The following ITPR1 variants were observed in gnomAD, a reference collection of about 807,000 sequenced individuals.
ITPR1 encodes inositol 1,4,5-trisphosphate receptor type 1.
ITPR1 carries 96 observed loss-of-function variants against 318.4 expected under a neutral mutation model. The observed-to-expected ratio is 0.30, with a 90% confidence interval of 0.26 to 0.36. ITPR1 has a LOEUF of 0.36. Ranked by LOEUF, ITPR1 falls within the 10% of genes least tolerant of loss-of-function variation. The probability of loss-of-function intolerance (pLI) is 1.00; values close to 1 mark genes in which losing one functional copy is unlikely to be tolerated. For synonymous variants in ITPR1, 1,312 were observed against 1,289.9 expected, an observed-to-expected ratio of 1.02 and a Z score of -0.37; for missense variants, 2,440 against 3,460.2, an observed-to-expected ratio of 0.71 and a Z score of 7.40.
chr3:4,806,371 C>T, intron 55 of ITPR1, 104 bp downstream of exon 55: 1 of 1,122,180 alleles, frequency 8.9e-7, no homozygotes, highest in Non-Finnish European at 1.3e-6. Context: ...GATTGGTGTG[C>T]CTGGTCCACC....
At chr3:4,500,341 G>A (rs548525614) in intron 2 of ITPR1, among the ~76,000 whole-genome samples, 1 of 150,174 alleles carries the variant, frequency 6.7e-6, no homozygotes, top group Non-Finnish European at 1.5e-5. Flanking sequence ...CTGGGACTAT[G>A]GGCATTCACC....
At chr3:4,817,823 G>A (rs929953775) in intron 59 of ITPR1, among the ~76,000 whole-genome samples, 2 of 152,178 alleles carry the variant, frequency 1.3e-5, no homozygotes, top group African/African-American at 4.8e-5. Context: ...CACTAACAAG[G>A]CCACTAAGGC....
chr3:4,776,850 C>G (rs1189165224), intron 47 of ITPR1, among the ~76,000 whole-genome samples: 1 of 152,154 alleles, frequency 6.6e-6, no homozygotes, highest in Non-Finnish European at 1.5e-5. Context: ...AAACAGGAAA[C>G]TTGCTTTCCA....
chr3:4,516,015 C>A (rs1455030334), intron 2 of ITPR1, among the ~76,000 whole-genome samples: 1 of 152,246 alleles, frequency 6.6e-6, no homozygotes, highest in African/African-American at 2.4e-5. Context: ...AGCCCAGGCA[C>A]TGTGGCCTTG....
intron 24 of ITPR1, among the ~76,000 whole-genome samples, chr3:4,678,018 T>A (rs1345423642): frequency 6.6e-6 from 1 of 152,208 alleles, no homozygotes; most frequent in African/African-American, 2.4e-5. Context: ...GAAAGAATTA[T>A]GTGTTAGCAC....
Position 4,775,268 on chromosome 3 carries a change from G to A in ITPR1, c.6006G>A (p.Lys2002=). The A allele has an allele frequency of 6.2e-7, 1 of 1,614,012 alleles. No individual in the cohort carries two copies. Among genetic ancestry groups the A allele is most frequent in the Non-Finnish European group, 8.5e-7 (1 of 1,179,902 alleles). Residue 2002 remains lysine (K), a synonymous_variant, in exon 47 of 62, where the codon AAG becomes AAA. Coordinates refer to ENST00000649015, the MANE Select transcript of ITPR1 (RefSeq NM_001378452.1). ...ACTTCCTCCGTTGCCAAAATAACAA[G>A]ACCAACTACAATTTGGTATGTGAGA... ...LQNFLRCQNN[K]TNYNLVCETL... is the part of the protein sequence containing the mutation.
chr3:4,644,506 A>G (rs2093410474), intron 8 of ITPR1, among the ~76,000 whole-genome samples: 1 of 152,262 alleles, frequency 6.6e-6, no homozygotes, highest in Admixed American at 6.5e-5. Flanking sequence ...TGGTGAAGCC[A>G]GAGATGAACC....
intron 7 of ITPR1, among the ~76,000 whole-genome samples, chr3:4,643,335 A>G (rs2093380172): frequency 1.3e-5 from 2 of 152,246 alleles, no homozygotes; most frequent in Admixed American, 6.5e-5. Flanking sequence ...ACCAAAAATA[A>G]AAGACAAGTG....
chr3:4,814,353 A>G, intron 57 of ITPR1, 70 bp from the exon 58 acceptor site: 2 of 1,509,622 alleles, frequency 1.3e-6, no homozygotes, highest in Non-Finnish European at 1.8e-6. Flanking sequence ...TTCAGGAAAC[A>G]GGATTTCAAA....
intron 21 of ITPR1, among the ~76,000 whole-genome samples, chr3:4,673,900 T>A (rs1374659294): frequency 6.6e-6 from 1 of 152,156 alleles, no homozygotes; most frequent in Non-Finnish European, 1.5e-5. Flanking sequence ...ATTTTTTATA[T>A]CTCATTTATC....
intron 39 of ITPR1, among the ~76,000 whole-genome samples, chr3:4,716,772 T>G (rs536663617): frequency 6.6e-6 from 1 of 152,226 alleles, no homozygotes; most frequent in South Asian, 2.1e-4. Flanking sequence ...TTGGACACGA[T>G]GCTGATAAAT....
At chr3:4,817,099 G>T (rs1200407142) in intron 59 of ITPR1, among the ~76,000 whole-genome samples, 1 of 152,184 alleles carries the variant, frequency 6.6e-6, no homozygotes, top group African/African-American at 2.4e-5. Flanking sequence ...GTTTAGTCAT[G>T]TCATCATCGT....
chr3:4,725,813 A>AT (rs1308481346), intron 41 of ITPR1, among the ~76,000 whole-genome samples: 1 of 152,176 alleles, frequency 6.6e-6, no homozygotes, highest in Admixed American at 6.5e-5. Flanking sequence ...GTGCCAGGAC[A>AT]TGGTTCTTTG....
At chr3:4,546,296 G>A (rs1412305046) in intron 4 of ITPR1, among the ~76,000 whole-genome samples, 5 of 152,164 alleles carry the variant, frequency 3.3e-5, no homozygotes, top group Admixed American at 2.0e-4. Context: ...TGGTGCATTA[G>A]AGGGTGTGAG....
At chr3:4,652,497 G>T (rs182556395) in intron 11 of ITPR1, among the ~76,000 whole-genome samples, 1 of 152,024 alleles carries the variant, frequency 6.6e-6, no homozygotes, top group Non-Finnish European at 1.5e-5. Context: ...TTTCCATTTC[G>T]CTTTTATATA....
Position 4,543,576 on chromosome 3 carries a change from G to A in ITPR1, c.163+22482G>A, listed in dbSNP as rs565568890. Among the ~76,000 whole-genome samples, 11 of 152,328 alleles carry A rather than the reference G, an allele frequency of 7.2e-5. 1 individual carries two copies. In the South Asian group the frequency reaches 2.3e-3, roughly 32 times the overall value. On this transcript the variant is annotated intron_variant, in intron 4 of 61. Coordinates refer to ENST00000649015, the MANE Select transcript of ITPR1 (RefSeq NM_001378452.1). ...TCTTGCCTCAGCCTCCTGAGTAGCTGGGGCTATAGGCACGTGCCACCACGC... is the reference window on the plus strand; with the variant it reads ...TCTTGCCTCAGCCTCCTGAGTAGCTAGGGCTATAGGCACGTGCCACCACGC...
chr3:4,777,434 C>G, intron 48 of ITPR1, 60 bp downstream of exon 48: 2 of 1,023,944 alleles, frequency 2.0e-6, no homozygotes, highest in South Asian at 2.7e-5. Context: ...TGTGTTTTGC[C>G]TTGGCACATG....
chr3:4,830,881 C>A, intron 60 of ITPR1: 1 of 454,918 alleles, frequency 2.2e-6, no homozygotes, highest in Admixed American at 2.4e-5. Context: ...GCCTCATTCT[C>A]TGATTTGGCT....
chr3:4,634,659 A>C (rs769141567), intron 5 of ITPR1, among the ~76,000 whole-genome samples: 3 of 152,204 alleles, frequency 2.0e-5, no homozygotes, highest in Non-Finnish European at 2.9e-5. Flanking sequence ...TGTGTTCCTC[A>C]AAGATAACCT....
Sources: gnomAD v4.1 joint callset for allele counts (sites outside exome capture counted in the v4.1 genomes callset) on GRCh38, gnomAD v4.1.1 for gene constraint, MANE v1.5 for transcripts, NCBI Gene and HGNC (gene_info 2026-07-23, HGNC 2026-07-21) for gene names.